The following FCN2 variants were observed in gnomAD, a reference collection of about 807,000 sequenced individuals.
FCN2 encodes the protein ficolin 2.
FCN2 carries 31 observed loss-of-function variants against 32.5 expected under a neutral mutation model. That is an observed-to-expected ratio of 0.96 (90% CI 0.72 to 1.29). The LOEUF is 1.29. Among genes scored for constraint, FCN2 ranks in the 50% most tolerant of loss-of-function variants. The probability of loss-of-function intolerance (pLI) is 0.00; values close to 1 mark genes in which losing one functional copy is unlikely to be tolerated. For missense variants in FCN2, 412 were observed against 406.5 expected (o/e 1.01, Z -0.12); for synonymous variants, 181 against 164.5 (o/e 1.10, Z -0.77).
chr9:134,885,709 C>T lies in FCN2; in HGVS notation c.430-59C>T, dbSNP rs56200327. The T allele has an allele frequency of 3.4e-4, 556 of 1,612,190 alleles. 5 individuals carry two copies. The African/African-American group carries it at 6.2e-3, about 18-fold the overall frequency. ...TGCTGCTCCTCTGGAGGGCGGGTCC[C>T]CCGTGCTGTGGGACGTCGGCCTGGC... is the stretch of plus-strand genomic sequence containing the variant. On this transcript the variant is annotated intron_variant, in intron 5 of 7. Transcript: ENST00000291744.
At chr9:134,868,671 C>A in the FCN2 span, among the ~76,000 whole-genome samples, 1 of 152,230 alleles carries the variant, frequency 6.6e-6, no homozygotes, top group Non-Finnish European at 1.5e-5. This position sits in a 1 kb window ranked among gnomAD's most constrained non-coding sequence, Gnocchi z 4.3. Flanking sequence ...CTCCCATCTG[C>A]AAGGCTAGGC....
At chr9:134,865,782 C>T in the FCN2 span, among the ~76,000 whole-genome samples, 3 of 152,124 alleles carry the variant, frequency 2.0e-5, no homozygotes, top group Non-Finnish European at 4.4e-5. Flanking sequence ...AAAGCAACTT[C>T]AGCAAAGTCT....
the FCN2 span, among the ~76,000 whole-genome samples, chr9:134,875,020 G>A: frequency 2.0e-3 from 311 of 152,134 alleles, no homozygotes; most frequent in Non-Finnish European, 3.4e-3. Flanking sequence ...AAAAACAACG[G>A]ATTTTATATA....
In FCN2 at chr9:134,883,425, C is replaced by T. The variant is rs193198493; in HGVS notation, c.268+70C>T. ...GACCTGGCTGCAGAGGAACGTGAGG[C>T]GGGTCTTCTGGGGCTGCCACGCTGT... On this transcript the variant is annotated intron_variant, in intron 3 of 7. Coordinates refer to ENST00000291744, the MANE Select transcript of FCN2 (RefSeq NM_004108.3). The T allele has an allele frequency of 4.6e-5, 65 of 1,402,958 alleles. 1 individual carries two copies. Among genetic ancestry groups the T allele is most frequent in the African/African-American group, 2.3e-4 (16 of 70,576 alleles). 86.9% of individuals were successfully genotyped at this position (1,402,958 alleles called of 1,614,324 possible). A position where few individuals can be genotyped will look rare whatever the true frequency, so the allele number is the denominator to read the frequency against.
At chr9:134,883,176 A>G (rs988538518) in intron 2 of FCN2, 126 bp from the exon 3 acceptor site, 9 of 863,968 alleles carry the variant, frequency 1.0e-5, no homozygotes, top group Non-Finnish European at 1.8e-5. Context: ...GGGCGGGGCC[A>G]CAGTCACGTC....
intron 5 of FCN2, 48 bp from the exon 6 acceptor site, chr9:134,885,720 G>A (rs1830741382): frequency 6.2e-7 from 1 of 1,613,302 alleles, no homozygotes; most frequent in African/African-American, 1.3e-5. Context: ...CCGTGCTGTG[G>A]GACGTCGGCC....
chr9:134,864,591 G>A, the FCN2 span, among the ~76,000 whole-genome samples: 16 of 152,268 alleles, frequency 1.1e-4, no homozygotes, highest in Admixed American at 6.5e-4. Flanking sequence ...CCGAGCTGCC[G>A]TAGCCATGGG....
the FCN2 span, among the ~76,000 whole-genome samples, chr9:134,875,111 A>C: frequency 6.6e-6 from 1 of 152,222 alleles, no homozygotes; most frequent in African/African-American, 2.4e-5. Flanking sequence ...TTTTCTACAG[A>C]ATCATGTCAT....
At position 134,887,442 on chromosome 9, in the gene FCN2, C is replaced by T. The variant is rs1461660834; in HGVS notation, c.*27C>T. Reference sequence around the variant, plus strand: ...CCAGGCCGGCCTCAGGGTCAGGACGCCTCCACACATAGTTGGTTGGGGGGT... The same window carrying T: ...CCAGGCCGGCCTCAGGGTCAGGACGTCTCCACACATAGTTGGTTGGGGGGT... On this transcript the variant is annotated 3_prime_UTR_variant, in exon 8 of 8. Coordinates refer to ENST00000291744, the MANE Select transcript of FCN2 (RefSeq NM_004108.3). The T allele has an allele frequency of 1.2e-6, 2 of 1,612,064 alleles. No homozygotes were observed. The highest frequency in any genetic ancestry group is 1.7e-6 in the Non-Finnish European group (2 of 1,178,458).
intron 1 of FCN2, among the ~76,000 whole-genome samples, chr9:134,882,296 T>C (rs2132999020): frequency 6.6e-6 from 1 of 152,346 alleles, no homozygotes; most frequent in Non-Finnish European, 1.5e-5. Flanking sequence ...AAATCACCTT[T>C]CTGCCTGACC....
intron 2 of FCN2, among the ~76,000 whole-genome samples, 190 bp downstream of exon 2, chr9:134,882,829 A>G (rs533313700): frequency 2.0e-5 from 3 of 152,292 alleles, no homozygotes; most frequent in Non-Finnish European, 4.4e-5. Flanking sequence ...TAGCTATTTC[A>G]TGAGCTCACA....
chr9:134,864,168 C>T, the FCN2 span, among the ~76,000 whole-genome samples: 2 of 152,218 alleles, frequency 1.3e-5, no homozygotes, highest in South Asian at 2.1e-4. Context: ...CCGCAGTGGA[C>T]GTTCCTAAAC....
At chr9:134,875,252 T>C in the FCN2 span, among the ~76,000 whole-genome samples, 15 of 152,350 alleles carry the variant, frequency 9.8e-5, 1 homozygote, top group Middle Eastern at 6.8e-3. Flanking sequence ...CACCTTCTCT[T>C]GCTCTTGGTT....
the FCN2 span, among the ~76,000 whole-genome samples, chr9:134,869,767 A>G: frequency 7.9e-5 from 12 of 152,334 alleles, no homozygotes; most frequent in South Asian, 2.5e-3. Context: ...GGCTCACAGG[A>G]GAGGGTGTGG....
the FCN2 span, among the ~76,000 whole-genome samples, chr9:134,868,647 A>C: frequency 6.6e-6 from 1 of 152,196 alleles, no homozygotes; most frequent in Non-Finnish European, 1.5e-5. This position sits in a 1 kb window ranked among gnomAD's most constrained non-coding sequence, Gnocchi z 4.3. Flanking sequence ...CAGTGCCAGC[A>C]TCCAGCCCCC....
chr9:134,869,314 G>A, the FCN2 span, among the ~76,000 whole-genome samples: 2 of 152,372 alleles, frequency 1.3e-5, no homozygotes, highest in East Asian at 3.9e-4. Flanking sequence ...CATGGGAGAG[G>A]GAAAGGTCCT....
intron 2 of FCN2, 48 bp downstream of exon 2, chr9:134,882,687 C>T (rs758089047): frequency 7.4e-7 from 1 of 1,351,270 alleles, no homozygotes; most frequent in African/African-American, 1.4e-5. Context: ...CTTTTTGAAA[C>T]CAGATGCTGA....
intron 6 of FCN2, 32 bp downstream of exon 6, chr9:134,885,929 G>A (rs756534656): frequency 2.5e-6 from 4 of 1,588,576 alleles, no homozygotes; most frequent in African/African-American, 1.3e-5. Context: ...GGGGGTCGGG[G>A]GCCCTGAATG....
At chr9:134,864,159 C>T in the FCN2 span, among the ~76,000 whole-genome samples, 2 of 152,338 alleles carry the variant, frequency 1.3e-5, no homozygotes, top group Admixed American at 6.5e-5. Context: ...CCACTCAGAC[C>T]GCAGTGGACG....
Sources: allele counts gnomAD v4.1 joint callset (sites outside exome capture counted in the v4.1 genomes callset), GRCh38; gene constraint gnomAD v4.1.1; non-coding constraint Gnocchi (gnomAD v3.1); transcripts MANE v1.5; gene names NCBI Gene and HGNC (gene_info 2026-07-23, HGNC 2026-07-21).